Variants in RUFY3 observed in about 807,000 individuals in gnomAD.
The protein encoded by RUFY3 is RUN and FYVE domain containing 3.
A neutral mutation model predicts 84.0 loss-of-function variants in RUFY3; 34 were observed. The ratio of observed to expected loss-of-function variants is 0.40; its 90% CI spans 0.31 to 0.54. RUFY3 has a LOEUF of 0.54. RUFY3 is among the 20% of genes least tolerant of loss of function. RUFY3 has a pLI of 0.39. For synonymous variants in RUFY3, 242 were observed against 252.9 expected, an observed-to-expected ratio of 0.96 and a Z score of 0.41; for missense variants, 507 against 736.8, an observed-to-expected ratio of 0.69 and a Z score of 3.61.
At chr4:70,732,520 A>G (rs534957367) in intron 1 of RUFY3, among the ~76,000 whole-genome samples, 3 of 152,206 alleles carry the variant, frequency 2.0e-5, no homozygotes, top group Non-Finnish European at 2.9e-5. Flanking sequence ...ATATCCATCA[A>G]TAATACACTG....
chr4:70,716,680 C>T (rs1275981646), intron 1 of RUFY3, among the ~76,000 whole-genome samples: 1 of 151,586 alleles, frequency 6.6e-6, no homozygotes, highest in Non-Finnish European at 1.5e-5. Flanking sequence ...CCCATCTCTA[C>T]TAAAAATACA....
chr4:70,744,255 G>GT (rs1454281913), intron 1 of RUFY3, among the ~76,000 whole-genome samples: 1 of 150,100 alleles, frequency 6.7e-6, no homozygotes, highest in East Asian at 2.0e-4. Context: ...CTGGAGTGCA[G>GT]TGGCATGATC....
At chr4:70,787,814 C>T (rs1730149463) in intron 10 of RUFY3, among the ~76,000 whole-genome samples, 1 of 152,036 alleles carries the variant, frequency 6.6e-6, no homozygotes, top group South Asian at 2.1e-4. Context: ...CCTTTTATCA[C>T]AGTAAGACAA....
intron 1 of RUFY3, among the ~76,000 whole-genome samples, chr4:70,716,437 C>T (rs1387160143): frequency 1.3e-5 from 2 of 152,150 alleles, no homozygotes; most frequent in Non-Finnish European, 2.9e-5. Flanking sequence ...TGAGCCGCCG[C>T]GCCCTGCCGA....
At chr4:70,793,391 AT>A (rs1304909199) in intron 12 of RUFY3, 1 of 1,047,004 alleles carries the variant, frequency 9.6e-7, no homozygotes, top group Non-Finnish European at 1.2e-6. Context: ...AAACAGAAAA[AT>A]TAAGTACCAA....
intron 9 of RUFY3, 119 bp downstream of exon 9, chr4:70,783,302 T>C (rs951351122): frequency 4.7e-6 from 3 of 644,312 alleles, no homozygotes; most frequent in African/African-American, 4.1e-5. Flanking sequence ...ACTTTTTATT[T>C]AGACTCCATG....
intron 5 of RUFY3, 93 bp downstream of exon 5, chr4:70,768,754 A>G (rs1726423577): frequency 8.7e-7 from 1 of 1,148,756 alleles, no homozygotes. Context: ...AAATTAGGCC[A>G]TATTCTATGA....
chr4:70,806,848 A>G lies in RUFY3; in HGVS notation c.*189A>G, dbSNP rs897241820. The G allele has an allele frequency of 1.7e-5, 10 of 583,184 alleles. No individual in the cohort carries two copies. The highest frequency in any genetic ancestry group is 2.9e-5 in the Non-Finnish European group (10 of 345,842). 36.1% of individuals were successfully genotyped at this position (583,184 alleles called of 1,614,324 possible). On this transcript the variant is annotated 3_prime_UTR_variant, in exon 18 of 18. Transcript: ENST00000381006. ...TTTGCTCATTTTCTCTAATGACTGT[A>G]TGAATAAAAGTGAACTTACTTGAGC...
chr4:70,748,898 G>C (rs1344457154), intron 1 of RUFY3, among the ~76,000 whole-genome samples: 1 of 152,054 alleles, frequency 6.6e-6, no homozygotes, highest in Non-Finnish European at 1.5e-5. Flanking sequence ...AGAAATGTAG[G>C]TGCCCAAGAG....
intron 12 of RUFY3, chr4:70,791,359 T>C (rs976196492): frequency 1.3e-6 from 2 of 1,599,838 alleles, no homozygotes; most frequent in African/African-American, 2.7e-5. Context: ...AAGGAAGAAA[T>C]CTGAAAGTTA....
intron 12 of RUFY3, among the ~76,000 whole-genome samples, chr4:70,790,684 C>T (rs1730666525): frequency 6.6e-6 from 1 of 152,148 alleles, no homozygotes; most frequent in Non-Finnish European, 1.5e-5. Context: ...TATATGTCTC[C>T]TCCGATGCGA....
chr4:70,764,759 C>G lies in RUFY3; in HGVS notation c.572+183C>G, dbSNP rs192237404. 7.0e-4 allele frequency among the ~76,000 whole-genome samples: 106 copies of G among 152,298 alleles called. No individual in the cohort carries two copies. In the Middle Eastern group the frequency reaches 0.014, roughly 20 times the overall value. ...ATGGATGATTTATGTTATGTGTGTT[C>G]TGTCTGTCACTGTGGCATATATTGG... On this transcript the variant is annotated intron_variant, in intron 4 of 17. Transcript: ENST00000381006.
chr4:70,792,579 C>A, intron 12 of RUFY3: 1 of 985,380 alleles, frequency 1.0e-6, no homozygotes, highest in East Asian at 1.1e-4. Flanking sequence ...AAGGTCCTGA[C>A]AAAATACTTG....
intron 13 of RUFY3, 51 bp from the exon 14 acceptor site, chr4:70,794,744 G>A: frequency 8.5e-7 from 1 of 1,170,086 alleles, no homozygotes; most frequent in Non-Finnish European, 1.3e-6. Context: ...TAGAGAATAT[G>A]TCTGTATAGA....
intron 1 of RUFY3, among the ~76,000 whole-genome samples, chr4:70,753,419 C>T (rs531392196): frequency 1.3e-5 from 2 of 152,218 alleles, no homozygotes; most frequent in African/African-American, 4.8e-5. Flanking sequence ...TTCCTTCCTC[C>T]TAGGGCTTTC....
At chr4:70,741,527 T>C in intron 1 of RUFY3, 1 of 936,392 alleles carries the variant, frequency 1.1e-6, no homozygotes, top group Non-Finnish European at 1.5e-6. Flanking sequence ...AACCTCCCTT[T>C]CAGTTATCCC....
chr4:70,750,187 A>G (rs1051902993), intron 1 of RUFY3, among the ~76,000 whole-genome samples: 3 of 152,010 alleles, frequency 2.0e-5, no homozygotes, highest in African/African-American at 7.3e-5. Context: ...TAATTACACA[A>G]CTTTTTATAG....
At chr4:70,760,082 T>G (rs1724764200) in intron 1 of RUFY3, among the ~76,000 whole-genome samples, 1 of 152,204 alleles carries the variant, frequency 6.6e-6, no homozygotes. Flanking sequence ...TTAAATAGAT[T>G]GTAGCACCTT....
chr4:70,757,527 C>G (rs1264993743), intron 1 of RUFY3, among the ~76,000 whole-genome samples: 1 of 152,146 alleles, frequency 6.6e-6, no homozygotes, highest in East Asian at 1.9e-4. Flanking sequence ...TCACTTGAAC[C>G]CAGGAAGACG....
Sources: allele counts gnomAD v4.1 joint callset (sites outside exome capture counted in the v4.1 genomes callset), GRCh38; gene constraint gnomAD v4.1.1; transcripts MANE v1.5; gene names NCBI Gene and HGNC (gene_info 2026-07-23, HGNC 2026-07-21).